BMPER: variants seen among roughly 807,000 people sequenced by gnomAD.
BMPER encodes the protein BMP binding endothelial regulator.
A neutral mutation model predicts 87.3 loss-of-function variants in BMPER; 45 were observed. That is an observed-to-expected ratio of 0.52 (90% CI 0.41 to 0.66). The LOEUF (loss-of-function observed/expected upper bound fraction) is 0.66. BMPER is among the 30% of genes least tolerant of loss of function. BMPER has a pLI of 0.00. For missense variants in BMPER, 784 were observed against 867.5 expected, an observed-to-expected ratio of 0.90 and a Z score of 1.21; for synonymous variants, 326 against 316.2, an observed-to-expected ratio of 1.03 and a Z score of -0.33.
At chr7:34,031,905 T>C (rs1214838766) in intron 6 of BMPER, among the ~76,000 whole-genome samples, 1 of 124,592 alleles carries the variant, frequency 8.0e-6, no homozygotes, top group African/African-American at 3.1e-5. Flanking sequence ...TATATATATA[T>C]ATATATATAT....
chr7:34,074,545 G>GC (rs1169926140), intron 11 of BMPER, among the ~76,000 whole-genome samples: 1 of 152,196 alleles, frequency 6.6e-6, no homozygotes, highest in Non-Finnish European at 1.5e-5. Context: ...GATTCCTGGA[G>GC]CCCCTGCATG....
chr7:34,122,605 T>C (rs963571063), intron 13 of BMPER, among the ~76,000 whole-genome samples: 1 of 152,208 alleles, frequency 6.6e-6, no homozygotes, highest in Non-Finnish European at 1.5e-5. Flanking sequence ...CTCCTTTTGT[T>C]GGAGAGAAAT....
intron 3 of BMPER, among the ~76,000 whole-genome samples, chr7:33,954,502 C>A (rs368557932): frequency 1.1e-4 from 16 of 152,306 alleles, no homozygotes; most frequent in African/African-American, 3.8e-4. Flanking sequence ...CCTTGGAAAT[C>A]AGAATGCATT....
intron 7 of BMPER, among the ~76,000 whole-genome samples, chr7:34,048,451 G>A (rs780955867): frequency 2.0e-5 from 3 of 152,186 alleles, no homozygotes; most frequent in Admixed American, 6.5e-5. Context: ...ACTTCTGTGT[G>A]TTCTGTTTGG....
intron 3 of BMPER, among the ~76,000 whole-genome samples, chr7:33,958,883 G>A (rs931757682): frequency 6.6e-6 from 1 of 152,302 alleles, no homozygotes; most frequent in African/African-American, 2.4e-5. Flanking sequence ...ATCCCCATGT[G>A]TCAAGGGTGG....
chr7:34,031,906 A>G (rs1282785296), intron 6 of BMPER, among the ~76,000 whole-genome samples: 5 of 124,354 alleles, frequency 4.0e-5, no homozygotes, highest in African/African-American at 1.6e-4. Flanking sequence ...ATATATATAT[A>G]TATATATATA....
intron 2 of BMPER, among the ~76,000 whole-genome samples, chr7:33,913,960 ATT>A (rs59183615): frequency 0.12 from 15,956 of 134,066 alleles, 1,038 homozygotes; most frequent in South Asian, 0.21. Context: ...TTTTAGCACA[ATT>A]TTTTTTTTTT....
intron 2 of BMPER, among the ~76,000 whole-genome samples, chr7:33,932,829 T>G (rs1211917593): frequency 1.3e-5 from 2 of 152,128 alleles, no homozygotes; most frequent in Non-Finnish European, 2.9e-5. Context: ...TTCAAGACAT[T>G]GGGGCTGGGA....
At position 34,079,009 on chromosome 7, in the gene BMPER, C is replaced by T. The variant is rs749900138; in HGVS notation, c.1231C>T (p.Arg411Trp). The change falls in exon 12 of 15, where the codon CGG becomes TGG. Residue 411 changes from arginine to tryptophan, a missense_variant. Transcript: ENST00000649409. ...FQVLVKNDAR[R>W]TRSFSWTKSV... ...GGTGCTGGTGAAGAACGACGCCCGCCGGACACGCTCCTTCTCGTGGACCAA... is the reference window on the plus strand; with the variant it reads ...GGTGCTGGTGAAGAACGACGCCCGCTGGACACGCTCCTTCTCGTGGACCAA... 4 of 1,614,226 alleles carry T rather than the reference C, an allele frequency of 2.5e-6. No homozygotes were observed. The highest frequency in any genetic ancestry group is 2.2e-5 in the East Asian group (1 of 44,882).
intron 3 of BMPER, among the ~76,000 whole-genome samples, chr7:33,962,852 T>TA (rs1228106570): frequency 6.6e-6 from 1 of 152,214 alleles, no homozygotes; most frequent in African/African-American, 2.4e-5. Flanking sequence ...GCTGCATATT[T>TA]ACCTGACCAG....
intron 6 of BMPER, among the ~76,000 whole-genome samples, chr7:34,019,492 C>G (rs147730186): frequency 6.6e-6 from 1 of 152,012 alleles, no homozygotes; most frequent in Non-Finnish European, 1.5e-5. Context: ...CAATACAGTC[C>G]TTGGAGAATG....
At chr7:34,141,546 G>T (rs1383533001) in intron 13 of BMPER, among the ~76,000 whole-genome samples, 2 of 141,122 alleles carry the variant, frequency 1.4e-5, no homozygotes, top group Non-Finnish European at 3.0e-5. Flanking sequence ...AGAGGTGGAG[G>T]TTGTAGTGAG....
At chr7:33,973,206 G>T (rs1785592798) in intron 5 of BMPER, among the ~76,000 whole-genome samples, 1 of 150,498 alleles carries the variant, frequency 6.6e-6, no homozygotes, top group Non-Finnish European at 1.5e-5. Context: ...AGTTAATCTG[G>T]CAATCCGTGT....
intron 13 of BMPER, among the ~76,000 whole-genome samples, chr7:34,086,958 G>T (rs1789229499): frequency 1.3e-5 from 2 of 152,174 alleles, no homozygotes; most frequent in African/African-American, 4.8e-5. Flanking sequence ...TGATTTGCCT[G>T]TGCCTCTTAA....
chr7:33,978,755 C>G (rs1435423648), intron 6 of BMPER, among the ~76,000 whole-genome samples: 1 of 152,180 alleles, frequency 6.6e-6, no homozygotes, highest in African/African-American at 2.4e-5. Context: ...CTACTGAACA[C>G]CGTAGCTTAG....
chr7:33,965,545 T>C (rs1486318425), intron 3 of BMPER, among the ~76,000 whole-genome samples: 1 of 152,228 alleles, frequency 6.6e-6, no homozygotes, highest in Non-Finnish European at 1.5e-5. Context: ...CTTTTATTTC[T>C]GCATTATCAC....
intron 11 of BMPER, among the ~76,000 whole-genome samples, chr7:34,074,050 T>A (rs1446745921): frequency 1.3e-5 from 2 of 152,266 alleles, no homozygotes; most frequent in Non-Finnish European, 2.9e-5. Context: ...AGTTAGGGAC[T>A]GCTTACTTTG....
intron 13 of BMPER, among the ~76,000 whole-genome samples, chr7:34,104,621 C>A (rs1228007974): frequency 6.6e-6 from 1 of 152,126 alleles, no homozygotes; most frequent in Non-Finnish European, 1.5e-5. Flanking sequence ...AGAACCACCT[C>A]TGAAAAAGAA....
At chr7:33,905,996 TTTTA>T (rs1410181356) in intron 1 of BMPER, among the ~76,000 whole-genome samples, 1 of 152,196 alleles carries the variant, frequency 6.6e-6, no homozygotes, top group African/African-American at 2.4e-5. Flanking sequence ...TGAGAAATTA[TTTTA>T]TTTATTTTTA....
Sources: allele counts gnomAD v4.1 joint callset (sites outside exome capture counted in the v4.1 genomes callset), GRCh38; gene constraint gnomAD v4.1.1; transcripts MANE v1.5; gene names NCBI Gene and HGNC (gene_info 2026-07-23, HGNC 2026-07-21).